POLK: variants seen among roughly 807,000 people sequenced by gnomAD.
The protein encoded by POLK is polymerase (DNA directed) kappa.
In POLK, 76 loss-of-function variants were observed where a neutral mutation model predicts 94.0. The ratio of observed to expected loss-of-function variants is 0.81; its 90% confidence interval spans 0.67 to 0.98. The LOEUF (loss-of-function observed/expected upper bound fraction) is 0.98. Among genes scored for constraint, POLK ranks in the 50% least tolerant of loss-of-function variants. The pLI is 0.00. For missense variants in POLK, 954 were observed against 1,010.1 expected, an observed-to-expected ratio of 0.94 and a Z score of 0.75; for synonymous variants, 349 against 325.4, an observed-to-expected ratio of 1.07 and a Z score of -0.78.
chr5:75,552,416 C>T, intron 2 of POLK, 56 bp from the exon 3 acceptor site: 4 of 1,563,420 alleles, frequency 2.6e-6, no homozygotes, highest in African/African-American at 2.7e-5. Flanking sequence ...GGTTATACTA[C>T]AGTGATGCTT....
chr5:75,541,054 C>T lies in POLK; in HGVS notation c.-13-5956C>T, dbSNP rs190045811. Among the ~76,000 whole-genome samples the T allele has an allele frequency of 2.1e-3, 326 of 152,098 alleles. 2 individuals carry two copies. The East Asian group carries it at 0.029, about 14-fold the overall frequency. ...ATCCCAGCACTTTAGGAGACAGAGG[C>T]GGGCAGATTACCTGAGGTCAGGAGT... On this transcript the variant is annotated intron_variant, in intron 1 of 14. Transcript: ENST00000241436.
chr5:75,602,575 A>C (rs1175646407), downstream of POLK, among the ~76,000 whole-genome samples: 1 of 152,184 alleles, frequency 6.6e-6, no homozygotes. Flanking sequence ...ATAAAAAAGA[A>C]AGATCACTTA....
At chr5:75,543,873 G>A (rs930271332) in intron 1 of POLK, among the ~76,000 whole-genome samples, 1 of 152,074 alleles carries the variant, frequency 6.6e-6, no homozygotes, top group African/African-American at 2.4e-5. Flanking sequence ...TTGCTCTCTT[G>A]CCCAGGCTGG....
chr5:75,603,854 C>T (rs1050914495), downstream of POLK, among the ~76,000 whole-genome samples: 3 of 152,164 alleles, frequency 2.0e-5, no homozygotes, highest in African/African-American at 4.8e-5. Context: ...TCCTTGCCCT[C>T]TGGAAAAATT....
At chr5:75,516,107 A>G (rs1768309665) in intron 1 of POLK, among the ~76,000 whole-genome samples, 1 of 152,152 alleles carries the variant, frequency 6.6e-6, no homozygotes, top group Admixed American at 6.5e-5. Flanking sequence ...TGAGCTCCTT[A>G]TATATTCTGG....
downstream of POLK, among the ~76,000 whole-genome samples, chr5:75,602,418 A>G (rs1441135261): frequency 1.3e-5 from 2 of 152,204 alleles, no homozygotes; most frequent in Non-Finnish European, 2.9e-5. Flanking sequence ...CCACGAGCTC[A>G]GGTCATTTCC....
At chr5:75,583,370 A>G (rs1772301828) in exon 8 of POLK, 1 of 1,606,048 alleles carries the variant, frequency 6.2e-7, no homozygotes, top group East Asian at 2.2e-5. Context: ...AATTCTTCCC[A>G]ATAGACAAGC....
At chr5:75,543,324 G>T (rs1769850585) in intron 1 of POLK, among the ~76,000 whole-genome samples, 1 of 152,206 alleles carries the variant, frequency 6.6e-6, no homozygotes, top group Non-Finnish European at 1.5e-5. Flanking sequence ...GTAGGCATGA[G>T]TCACTGCTCC....
intron 3 of POLK, among the ~76,000 whole-genome samples, chr5:75,563,746 C>T (rs58789089): frequency 0.077 from 11,691 of 152,150 alleles, 538 homozygotes; most frequent in South Asian, 0.17. Flanking sequence ...AATTTGATTG[C>T]GCTGTGGTCT....
At chr5:75,520,456 A>G (rs1279961181) in intron 1 of POLK, among the ~76,000 whole-genome samples, 1 of 152,178 alleles carries the variant, frequency 6.6e-6, no homozygotes, top group Non-Finnish European at 1.5e-5. Context: ...GTGCAGTGGC[A>G]TAATCATAGC....
At chr5:75,511,327 T>TG (rs893362976), upstream of POLK, 7 of 1,544,716 alleles carry the variant, frequency 4.5e-6, no homozygotes, top group South Asian at 2.4e-5. Context: ...CGCTCCGGTG[T>TG]GGGGGGGAGC....
intron 2 of POLK, among the ~76,000 whole-genome samples, chr5:75,547,842 G>C (rs1419266206): frequency 1.3e-5 from 2 of 152,176 alleles, no homozygotes; most frequent in African/African-American, 4.8e-5. Flanking sequence ...TGCCAACACA[G>C]TGTATTACTA....
At chr5:75,520,235 T>C (rs1328507412) in intron 1 of POLK, among the ~76,000 whole-genome samples, 1 of 152,210 alleles carries the variant, frequency 6.6e-6, no homozygotes, top group Non-Finnish European at 1.5e-5. Context: ...TACATATTTT[T>C]ATATTGCCTG....
chr5:75,571,640 G>A (rs140440598), intron 4 of POLK, among the ~76,000 whole-genome samples: 2 of 152,252 alleles, frequency 1.3e-5, no homozygotes, highest in East Asian at 3.9e-4. Context: ...TCAACATTTA[G>A]TAATCTACCC....
chr5:75,532,494 C>A (rs1366848552), intron 1 of POLK, among the ~76,000 whole-genome samples: 1 of 151,594 alleles, frequency 6.6e-6, no homozygotes, highest in Non-Finnish European at 1.5e-5. Flanking sequence ...CATTAATGGA[C>A]ATTTAGGTTG....
chr5:75,589,440 T>TACACACACACACACACAC (rs1772651919), intron 10 of POLK, among the ~76,000 whole-genome samples: 6 of 63,684 alleles, frequency 9.4e-5, no homozygotes, highest in African/African-American at 3.3e-4. Context: ...CACACACACG[T>TACACACACACACACACAC]GGAATATTTC....
At chr5:75,542,020 T>C (rs1006786153) in intron 1 of POLK, among the ~76,000 whole-genome samples, 31 of 152,234 alleles carry the variant, frequency 2.0e-4, no homozygotes, top group Non-Finnish European at 1.2e-4. Context: ...ATTACTACTT[T>C]AAATGTAGAG....
At chr5:75,608,396 A>G in the POLK span, among the ~76,000 whole-genome samples, 1 of 152,086 alleles carries the variant, frequency 6.6e-6, no homozygotes, top group Non-Finnish European at 1.5e-5. Flanking sequence ...AGTCTCACTA[A>G]GTTGCCCAGG....
Position 75,587,007 on chromosome 5 carries a change from CTTT to C in POLK, c.1227-12_1227-10del. 6.7e-7 allele frequency: 1 copy of C among 1,503,358 alleles called. No individual in the cohort carries two copies. The highest frequency in any genetic ancestry group is 9.0e-7 in the Non-Finnish European group (1 of 1,107,936). The allele number at this position is 1,503,358 out of a possible 1,614,324, so 93.1% of individuals were successfully genotyped here. ...AACTCAGTCTTTGAAAAATAAAGAC[CTTT>C]TTTTTTCATTTCAAGGGATGGAGAG... On this transcript the variant is annotated splice_polypyrimidine_tract_variant and intron_variant, in intron 9 of 14. Coordinates refer to ENST00000241436, the Ensembl canonical transcript of POLK.
Sources: allele counts gnomAD v4.1 joint callset (sites outside exome capture counted in the v4.1 genomes callset), GRCh38; gene constraint gnomAD v4.1.1; transcripts MANE v1.5; gene names NCBI Gene and HGNC (gene_info 2026-07-23, HGNC 2026-07-21).